Variants in AKAP6 observed in about 807,000 individuals in gnomAD.
The protein encoded by AKAP6 is A-kinase anchoring protein 6.
In AKAP6, 58 loss-of-function variants were observed where a neutral mutation model predicts 188.5. The ratio of observed to expected loss-of-function variants is 0.31; its 90% CI spans 0.25 to 0.38. The LOEUF (loss-of-function observed/expected upper bound fraction) is 0.38, where lower values mean the gene tolerates loss of function less well. Among genes scored for constraint, AKAP6 ranks in the 10% least tolerant of loss-of-function variants. The pLI is 1.00. For synonymous variants in AKAP6, 989 were observed against 998.6 expected, an observed-to-expected ratio of 0.99 and a Z score of 0.18; for missense variants, 2,710 against 2,740.0, an observed-to-expected ratio of 0.99 and a Z score of 0.24.
intron 7 of AKAP6, among the ~76,000 whole-genome samples, chr14:32,634,586 C>T (rs1189165895): frequency 1.3e-5 from 2 of 152,018 alleles, no homozygotes; most frequent in African/African-American, 2.4e-5. Flanking sequence ...TCATGGCTAT[C>T]CAGTCTAATT....
At chr14:32,734,502 C>T (rs937275459) in intron 10 of AKAP6, 2 of 152,022 alleles carry the variant, frequency 1.3e-5, no homozygotes, top group East Asian at 1.9e-4. Flanking sequence ...TGTCCTCTGT[C>T]GTATATTTAT....
intron 4 of AKAP6, among the ~76,000 whole-genome samples, chr14:32,567,759 C>T (rs1293762205): frequency 1.3e-5 from 2 of 152,152 alleles, no homozygotes; most frequent in South Asian, 2.1e-4. Flanking sequence ...TAGAGCTAAT[C>T]TAAACAAGGA....
chr14:32,488,605 G>A (rs141994734), intron 2 of AKAP6, among the ~76,000 whole-genome samples: 49 of 152,272 alleles, frequency 3.2e-4, no homozygotes, highest in Non-Finnish European at 6.8e-4. Flanking sequence ...AGCTAGCTAG[G>A]TATCTGCTCA....
chr14:32,510,436 GTGTA>G (rs1478235232), intron 2 of AKAP6, among the ~76,000 whole-genome samples: 55 of 30,174 alleles, frequency 1.8e-3, no homozygotes, highest in African/African-American at 5.0e-3. Context: ...ATATATATAT[GTGTA>G]TATATATATA....
At chr14:32,514,942 C>T (rs553783750) in intron 2 of AKAP6, among the ~76,000 whole-genome samples, 1 of 152,258 alleles carries the variant, frequency 6.6e-6, no homozygotes, top group Admixed American at 6.5e-5. Context: ...ATAGACCTTT[C>T]CTCCTCAGCT....
At chr14:32,677,087 A>G (rs1370599144) in intron 7 of AKAP6, among the ~76,000 whole-genome samples, 3 of 152,196 alleles carry the variant, frequency 2.0e-5, no homozygotes, top group Non-Finnish European at 2.9e-5. Context: ...CAGCCTCCCA[A>G]AGTGCTGGGA....
intron 9 of AKAP6, among the ~76,000 whole-genome samples, chr14:32,719,443 T>C (rs914107438): frequency 6.6e-6 from 1 of 152,238 alleles, no homozygotes; most frequent in Non-Finnish European, 1.5e-5. Context: ...AAAGTCACCA[T>C]GTTCTGCAGC....
intron 7 of AKAP6, among the ~76,000 whole-genome samples, chr14:32,632,989 A>C (rs970722374): frequency 6.6e-6 from 1 of 152,136 alleles, no homozygotes; most frequent in Non-Finnish European, 1.5e-5. Context: ...AGAATCAGCA[A>C]GTAAAATCAT....
chr14:32,567,319 T>G (rs1884240433), intron 4 of AKAP6, among the ~76,000 whole-genome samples: 1 of 152,184 alleles, frequency 6.6e-6, no homozygotes, highest in African/African-American at 2.4e-5. Context: ...GGTCTGTGCT[T>G]CTAATCTCTA....
chr14:32,828,832 C>T (rs2034750590), intron 13 of AKAP6, among the ~76,000 whole-genome samples: 1 of 152,128 alleles, frequency 6.6e-6, no homozygotes, highest in African/African-American at 2.4e-5. Flanking sequence ...TGTCTGTCTC[C>T]CCCAGTTCTT....
chr14:32,478,689 A>G (rs895707255), intron 2 of AKAP6, among the ~76,000 whole-genome samples: 2 of 152,210 alleles, frequency 1.3e-5, no homozygotes, highest in African/African-American at 2.4e-5. Context: ...GAGAGCTCCT[A>G]GAACACATAA....
At chr14:32,686,307 A>C (rs1227663836) in intron 8 of AKAP6, among the ~76,000 whole-genome samples, 1 of 152,180 alleles carries the variant, frequency 6.6e-6, no homozygotes, top group Non-Finnish European at 1.5e-5. Context: ...GTAGAGCATC[A>C]GAGTTGGGGA....
At chr14:32,746,454 A>G (rs2031914367) in intron 11 of AKAP6, among the ~76,000 whole-genome samples, 2 of 152,118 alleles carry the variant, frequency 1.3e-5, no homozygotes, top group Admixed American at 1.3e-4. Context: ...GATCATGTCT[A>G]GAGATGTCAT....
intron 7 of AKAP6, among the ~76,000 whole-genome samples, chr14:32,616,294 C>G (rs902021130): frequency 6.6e-6 from 1 of 152,158 alleles, no homozygotes; most frequent in African/African-American, 2.4e-5. Flanking sequence ...CATAAAGACA[C>G]ATGCATGTGT....
chr14:32,443,180 A>G (rs11156746), intron 2 of AKAP6, among the ~76,000 whole-genome samples: 110,314 of 151,834 alleles, frequency 0.73, 41,090 homozygotes, highest in African/African-American at 0.88. Context: ...TGGATCACAA[A>G]GTCAGGAGTT....
intron 4 of AKAP6, among the ~76,000 whole-genome samples, chr14:32,572,675 T>TC (rs1884545248): frequency 6.6e-6 from 1 of 152,250 alleles, no homozygotes; most frequent in South Asian, 2.1e-4. Context: ...AAAATCATCT[T>TC]CAAGTGTATT....
At chr14:32,527,416 T>C (rs1301085318) in intron 2 of AKAP6, among the ~76,000 whole-genome samples, 1 of 152,158 alleles carries the variant, frequency 6.6e-6, no homozygotes, top group Non-Finnish European at 1.5e-5. Context: ...AAAGCCGCTA[T>C]AAACATCTGT....
intron 12 of AKAP6, among the ~76,000 whole-genome samples, chr14:32,809,959 C>T (rs2034182715): frequency 6.6e-6 from 1 of 152,154 alleles, no homozygotes; most frequent in South Asian, 2.1e-4. Flanking sequence ...AAAAAGCAAC[C>T]AAGCTTTAGG....
chr14:32,588,405 C>T (rs1205597953), intron 5 of AKAP6, among the ~76,000 whole-genome samples: 1 of 152,174 alleles, frequency 6.6e-6, no homozygotes, highest in Non-Finnish European at 1.5e-5. Flanking sequence ...TTTATTGTAA[C>T]ACCAATTGAG....
Sources: gnomAD v4.1 joint callset for allele counts (sites outside exome capture counted in the v4.1 genomes callset) on GRCh38, gnomAD v4.1.1 for gene constraint, MANE v1.5 for transcripts, NCBI Gene and HGNC (gene_info 2026-07-23, HGNC 2026-07-21) for gene names.